The following MYH7B variants were observed in gnomAD, a reference collection of about 807,000 sequenced individuals.
MYH7B encodes the protein myosin-7B.
Under a neutral mutation model 234.5 loss-of-function variants are expected in MYH7B, and 205 were observed. The observed-to-expected ratio is 0.87, with a 90% confidence interval of 0.78 to 0.98. The LOEUF is 0.98. Among genes scored for constraint, MYH7B ranks in the 50% least tolerant of loss-of-function variants. The pLI is 0.00. For missense variants in MYH7B, 2,652 were observed against 2,633.4 expected, an observed-to-expected ratio of 1.01 and a Z score of -0.15; for synonymous variants, 1,193 against 1,105.0, an observed-to-expected ratio of 1.08 and a Z score of -1.58.
rs371256556 is a variant in MYH7B at position 34,979,618 on chromosome 20, G to A, written c.199-43G>A. The A allele has an allele frequency of 5.6e-6, 9 of 1,612,596 alleles. No homozygotes were observed. The African/African-American group carries it at 1.1e-4, about 19-fold the overall frequency. ...TGGGGGTGACAGGTGAGGTCGGTCGGTTCCTCCCGGTCCCCCGGCCCCTGA... is the reference window on the plus strand; with the variant it reads ...TGGGGGTGACAGGTGAGGTCGGTCGATTCCTCCCGGTCCCCCGGCCCCTGA... On this transcript the variant is annotated intron_variant, in intron 6 of 44. Coordinates refer to ENST00000262873, the Ensembl canonical transcript of MYH7B.
chr20:34,991,845 C>G (rs897270775), intron 24 of MYH7B, among the ~76,000 whole-genome samples: 4 of 152,206 alleles, frequency 2.6e-5, no homozygotes, highest in Non-Finnish European at 4.4e-5. Context: ...GTGCTGTGAC[C>G]TTGTTTTTTC....
rs1336460592 is a variant in MYH7B, at chr20:34,979,794, G to A, written c.332G>A (p.Trp111Ter). 1 of 1,613,768 alleles carries A rather than the reference G, an allele frequency of 6.2e-7. No individual in the cohort carries two copies. The highest frequency in any genetic ancestry group is 1.7e-5 in the Admixed American group (1 of 60,034). The change falls in exon 7 of 45, where the codon TGG becomes TAG. Residue 111 changes from tryptophan to a stop codon, truncating the protein, a stop_gained. Coordinates refer to ENST00000262873, the Ensembl canonical transcript of MYH7B. LOFTEE classifies it high-confidence loss of function. Reference sequence around the variant, plus strand: ...AACCTGCGCCAGCGCTATGCCCGCTGGATGATCTATGTGAGCCCCAGGCCC... The same window carrying A: ...AACCTGCGCCAGCGCTATGCCCGCTAGATGATCTATGTGAGCCCCAGGCCC...
chr20:34,977,399 A>C (rs893855076), intron 3 of MYH7B, among the ~76,000 whole-genome samples: 3 of 150,106 alleles, frequency 2.0e-5, no homozygotes, highest in South Asian at 2.1e-4. Flanking sequence ...AGTCTCCTGA[A>C]CCTCTTACTG....
At chr20:34,979,476 G>A (rs753656812) in exon 6 of MYH7B, 15 of 1,613,458 alleles carry the variant, frequency 9.3e-6, no homozygotes, top group East Asian at 6.7e-5. Flanking sequence ...CAGAGTCACC[G>A]TGGAGACCAA....
chr20:34,984,592 C>G (rs1055385257), intron 10 of MYH7B, 100 bp from the exon 11 acceptor site: 11 of 1,062,746 alleles, frequency 1.0e-5, no homozygotes, highest in Admixed American at 4.3e-5. Flanking sequence ...ACTCCACCCC[C>G]CTGTCCTGCT....
Position 34,987,674 on chromosome 20 carries a change from AG to A in MYH7B, c.1266+1del. ...GTGACCAAGGGCCAGAGTGTGGAGC[AG>A]GTGAGCTGCCTGCAGGCCAAACCCA... is the stretch of plus-strand genomic sequence containing the variant. On this transcript the variant is annotated frameshift_variant and splice_region_variant, in exon 17 of 45. Transcript: ENST00000262873. LOFTEE classifies it high-confidence loss of function. The A allele has an allele frequency of 6.2e-7, 1 of 1,612,654 alleles. No individual in the cohort carries two copies.
intron 2 of MYH7B, among the ~76,000 whole-genome samples, chr20:34,965,427 G>A (rs1432494311): frequency 6.6e-6 from 1 of 152,240 alleles, no homozygotes; most frequent in African/African-American, 2.4e-5. Flanking sequence ...AGAGCGAGAG[G>A]CCGCTGGGAA....
chr20:34,991,076 G>A (rs1219451170), exon 24 of MYH7B: 13 of 1,613,294 alleles, frequency 8.1e-6, no homozygotes, highest in Admixed American at 3.3e-5. Flanking sequence ...CGGATCTGCC[G>A]CCAAGGGTTC....
intron 19 of MYH7B, among the ~76,000 whole-genome samples, chr20:34,988,643 T>C (rs898289405): frequency 6.6e-6 from 1 of 152,116 alleles, no homozygotes; most frequent in African/African-American, 2.4e-5. Flanking sequence ...CAGGGTGTGT[T>C]TCCTTGTTTT....
At chr20:34,978,217 A>T in intron 5 of MYH7B, 121 bp downstream of exon 5, 3 of 1,176,862 alleles carry the variant, frequency 2.5e-6, no homozygotes, top group Non-Finnish European at 3.6e-6. Flanking sequence ...TGACAGCTGG[A>T]GCCCTGGACC....
exon 37 of MYH7B, chr20:34,999,693 G>C: frequency 6.2e-7 from 1 of 1,613,230 alleles, no homozygotes; most frequent in Non-Finnish European, 8.5e-7. Flanking sequence ...GGAGGAGGCA[G>C]AGGTCAGGGG....
At chr20:34,996,805 G>C (rs1473739271) in intron 30 of MYH7B, 47 bp downstream of exon 30, 2 of 1,583,548 alleles carry the variant, frequency 1.3e-6, no homozygotes, top group African/African-American at 2.7e-5. Flanking sequence ...GCCTGCACCT[G>C]GCCCTTGTTC....
At chr20:34,992,335 G>A (rs1270935845) in intron 24 of MYH7B, among the ~76,000 whole-genome samples, 1 of 144,708 alleles carries the variant, frequency 6.9e-6, no homozygotes, top group South Asian at 2.2e-4. Context: ...GCAGTGAGCA[G>A]AGATCGTGCC....
chr20:34,964,652 C>G (rs995893175), intron 2 of MYH7B, among the ~76,000 whole-genome samples: 2 of 152,154 alleles, frequency 1.3e-5, no homozygotes, highest in Non-Finnish European at 2.9e-5. Flanking sequence ...GGCGCGGTGG[C>G]TCACGCCTGT....
In MYH7B at chr20:34,987,292, G is replaced by C; in HGVS notation, c.1147+5G>C. The C allele has an allele frequency of 6.2e-7, 1 of 1,609,990 alleles. No homozygotes were observed. Among genetic ancestry groups the C allele is most frequent in the Non-Finnish European group, 8.5e-7 (1 of 1,179,866 alleles). ...CGGAGGCCGATGGCACTGAGAGTGA[G>C]GGGCCCTAACCTGGCCTTCAACTTG... is the stretch of plus-strand genomic sequence containing the variant. On this transcript the variant is annotated splice_donor_5th_base_variant and intron_variant, in intron 16 of 44. Coordinates refer to ENST00000262873, the Ensembl canonical transcript of MYH7B.
At position 34,996,603 on chromosome 20, in the gene MYH7B, T is replaced by C. The variant is rs377001895; in HGVS notation, c.3121-10T>C. 7 of 1,608,402 alleles carry C rather than the reference T, an allele frequency of 4.4e-6. No homozygotes were observed. The highest frequency in any genetic ancestry group is 4.2e-6 in the Non-Finnish European group (5 of 1,177,704). On this transcript the variant is annotated splice_polypyrimidine_tract_variant and intron_variant, in intron 29 of 44. Transcript: ENST00000262873. ...GGCCATGGCTGACCCCTGCTGTGCC[T>C]GCTCTGCAGCTGGAATGCTCCCTGG...
At chr20:34,963,497 T>C (rs1004075779) in intron 2 of MYH7B, among the ~76,000 whole-genome samples, 1 of 152,280 alleles carries the variant, frequency 6.6e-6, no homozygotes, top group African/African-American at 2.4e-5. Flanking sequence ...CTTCCTTATA[T>C]GTGATTTGCC....
chr20:34,986,116 G>A (rs934500454), exon 14 of MYH7B: 17 of 1,587,778 alleles, frequency 1.1e-5, no homozygotes, highest in African/African-American at 2.7e-5. Flanking sequence ...TGGAGAAGTC[G>A]CGGGTGATCT....
rs564301102 is a variant in MYH7B, at chr20:34,956,902, A to G, written c.-337+895A>G. 5.3e-5 allele frequency among the ~76,000 whole-genome samples: 8 copies of G among 152,282 alleles called. No homozygotes were observed. In the East Asian group the frequency reaches 1.5e-3, roughly 29 times the overall value. On this transcript the variant is annotated intron_variant, in intron 1 of 44. Coordinates refer to ENST00000262873, the Ensembl canonical transcript of MYH7B. The stretch of plus-strand genomic sequence containing the variant: ...AAACCCCGTCTCTACTAGAAATACA[A>G]GAATTAGCCGGGTGTGTTGGCCCGT...
Sources: gnomAD v4.1 joint callset for allele counts (sites outside exome capture counted in the v4.1 genomes callset) on GRCh38, gnomAD v4.1.1 for gene constraint, MANE v1.5 for transcripts, NCBI Gene and HGNC (gene_info 2026-07-23, HGNC 2026-07-21) for gene names.